ALK: variants seen among roughly 807,000 people sequenced by gnomAD.
The protein encoded by ALK is ALK tyrosine kinase receptor.
Under a neutral mutation model 163.1 loss-of-function variants are expected in ALK, and 74 were observed. The ratio of observed to expected loss-of-function variants is 0.45; its 90% CI spans 0.38 to 0.55. ALK has a LOEUF of 0.55. Among genes scored for constraint, ALK ranks in the 20% least tolerant of loss-of-function variants. The pLI is 0.00. For missense variants in ALK, 2,063 were observed against 2,105.3 expected (o/e 0.98, Z 0.39); for synonymous variants, 960 against 843.2 (o/e 1.14, Z -2.40).
chr2:29,345,848 C>T (rs1667934176), intron 5 of ALK, among the ~76,000 whole-genome samples: 1 of 152,102 alleles, frequency 6.6e-6, no homozygotes. Context: ...AACCAGCCAA[C>T]CAAACAAGCC....
intron 1 of ALK, among the ~76,000 whole-genome samples, chr2:29,844,454 T>C (rs1665787406): frequency 6.6e-6 from 1 of 152,206 alleles, no homozygotes; most frequent in Admixed American, 6.5e-5. Flanking sequence ...GGAACAGTTA[T>C]TAACCATATC....
intron 4 of ALK, among the ~76,000 whole-genome samples, chr2:29,385,382 GTTT>G (rs59445973): frequency 7.2e-6 from 1 of 138,332 alleles, no homozygotes. Flanking sequence ...CTGTCAGGTT[GTTT>G]TTTTTTTTTT....
chr2:29,228,792 C>CCAGGGGAGGG (rs372490690), intron 16 of ALK, 92 bp downstream of exon 16: 16 of 860,366 alleles, frequency 1.9e-5, no homozygotes, highest in South Asian at 8.3e-5. Context: ...CTTGGGCAGG[C>CCAGGGGAGGG]CAGGGGAGGG....
chr2:29,519,491 T>C (rs1222804970), intron 4 of ALK, among the ~76,000 whole-genome samples: 4 of 152,156 alleles, frequency 2.6e-5, no homozygotes, highest in Non-Finnish European at 5.9e-5. Context: ...TATGATGAAA[T>C]ACAGGAGTTT....
At chr2:29,298,181 G>A (rs1213382938) in intron 8 of ALK, among the ~76,000 whole-genome samples, 3 of 152,122 alleles carry the variant, frequency 2.0e-5, no homozygotes, top group Non-Finnish European at 4.4e-5. Context: ...GGGCCCCCAG[G>A]GACTGATTTA....
intron 3 of ALK, among the ~76,000 whole-genome samples, chr2:29,598,086 G>A (rs1009816626): frequency 1.3e-5 from 2 of 152,334 alleles, no homozygotes; most frequent in East Asian, 1.9e-4. Context: ...GGAGTGCAAT[G>A]GTGCGATCTT....
intron 5 of ALK, among the ~76,000 whole-genome samples, chr2:29,349,636 T>A (rs1308857565): frequency 6.6e-6 from 1 of 152,212 alleles, no homozygotes; most frequent in African/African-American, 2.4e-5. Context: ...GCCAAAGGCC[T>A]CCCCTTTCAT....
At chr2:29,883,542 C>T (rs747830492) in intron 1 of ALK, among the ~76,000 whole-genome samples, 1 of 152,326 alleles carries the variant, frequency 6.6e-6, no homozygotes, top group Non-Finnish European at 1.5e-5. Flanking sequence ...CTGTGTCTAG[C>T]ATAACACCAG....
chr2:29,740,632 T>A (rs1054315826), intron 1 of ALK, among the ~76,000 whole-genome samples: 7 of 152,188 alleles, frequency 4.6e-5, no homozygotes, highest in African/African-American at 1.7e-4. Context: ...CACACTAACA[T>A]AGAGTATTTG....
chr2:29,598,454 T>C (rs1265567531), intron 3 of ALK, among the ~76,000 whole-genome samples: 1 of 152,200 alleles, frequency 6.6e-6, no homozygotes, highest in Non-Finnish European at 1.5e-5. Flanking sequence ...CACTAAGGCA[T>C]GGCATGATCC....
At chr2:29,726,408 C>T (rs967429726) in intron 1 of ALK, among the ~76,000 whole-genome samples, 1 of 152,144 alleles carries the variant, frequency 6.6e-6, no homozygotes, top group Non-Finnish European at 1.5e-5. Flanking sequence ...AATTAATATA[C>T]TGAAAGCGAT....
At chr2:29,772,933 TTCC>T (rs1681066790) in intron 1 of ALK, among the ~76,000 whole-genome samples, 1 of 152,174 alleles carries the variant, frequency 6.6e-6, no homozygotes, top group Admixed American at 6.5e-5. Flanking sequence ...GAATGACTTC[TTCC>T]TCCTCAGAAC....
At chr2:29,221,524 AT>A (rs113166161) in intron 22 of ALK, among the ~76,000 whole-genome samples, 2,300 of 152,320 alleles carry the variant, frequency 0.015, 51 homozygotes, top group African/African-American at 0.052. Flanking sequence ...AAGTAGTGAG[AT>A]TTGAGTGATA....
chr2:29,480,235 C>T (rs375104200), intron 4 of ALK, among the ~76,000 whole-genome samples: 10 of 151,858 alleles, frequency 6.6e-5, no homozygotes, highest in Admixed American at 2.0e-4. Flanking sequence ...AGCAGAGTGA[C>T]GTGAGGCTGA....
intron 3 of ALK, among the ~76,000 whole-genome samples, chr2:29,611,742 A>G (rs1194310219): frequency 7.9e-5 from 12 of 151,992 alleles, no homozygotes; most frequent in Admixed American, 6.6e-4. Flanking sequence ...GGTTGTTTGA[A>G]GGTGTGTGGC....
At chr2:29,419,149 T>C (rs10191911) in intron 4 of ALK, among the ~76,000 whole-genome samples, 1 of 150,994 alleles carries the variant, frequency 6.6e-6, no homozygotes, top group Admixed American at 6.6e-5. Flanking sequence ...CCGCCTCCCG[T>C]GTTCAAGTGA....
In ALK at chr2:29,532,030, G is replaced by A. The variant is rs747355737; in HGVS notation, c.1039C>T (p.Leu347=). The A allele has an allele frequency of 1.9e-6, 3 of 1,614,170 alleles. No homozygotes were observed. Among genetic ancestry groups the A allele is most frequent in the Non-Finnish European group, 2.5e-6 (3 of 1,180,012 alleles). ...WMRSSSEHCT[L]AVSVHRHLQP... is the part of the protein sequence containing the mutation. ...AGGTGCCTGTGCACCGAGACGGCCA[G>A]TGTGCAGTGCTCACTGCTGCTCCTC... is the stretch of plus-strand genomic sequence containing the variant. Residue 347 remains leucine, a synonymous_variant, in exon 4 of 29, where the codon CTG becomes TTG. Transcript: ENST00000389048.
intron 4 of ALK, among the ~76,000 whole-genome samples, chr2:29,508,733 C>CA (rs60719550): frequency 0.096 from 6,263 of 65,376 alleles, 450 homozygotes; most frequent in African/African-American, 0.12. Flanking sequence ...ATCTGCAACT[C>CA]AAAAAAAAAA....
chr2:29,669,287 G>C (rs1164554012), intron 3 of ALK, among the ~76,000 whole-genome samples: 1 of 151,946 alleles, frequency 6.6e-6, no homozygotes, highest in South Asian at 2.1e-4. Context: ...CTGATATTAG[G>C]TACATAGATA....
Sources: gnomAD v4.1 joint callset for allele counts (sites outside exome capture counted in the v4.1 genomes callset) on GRCh38, gnomAD v4.1.1 for gene constraint, MANE v1.5 for transcripts, NCBI Gene and HGNC (gene_info 2026-07-23, HGNC 2026-07-21) for gene names.